The following LNPEP variants were observed in gnomAD, a reference collection of about 807,000 sequenced individuals.
LNPEP encodes leucyl-cystinyl aminopeptidase.
In LNPEP, 64 loss-of-function variants were observed where a neutral mutation model predicts 120.6. That is an observed-to-expected ratio of 0.53 (90% CI 0.43 to 0.65). The LOEUF is 0.65. LNPEP is among the 30% of genes least tolerant of loss of function. LNPEP has a pLI of 0.00. For missense variants in LNPEP, 1,057 were observed against 1,200.0 expected (o/e 0.88, Z 1.76); for synonymous variants, 435 against 425.4 (o/e 1.02, Z -0.28).
chr5:97,015,005 T>C lies in LNPEP; in HGVS notation c.2286T>C (p.Thr762=). The C allele has an allele frequency of 6.2e-7, 1 of 1,605,072 alleles. No individual in the cohort carries two copies. The highest frequency in any genetic ancestry group is 2.3e-5 in the East Asian group (1 of 44,440). Residue 762 remains threonine, a synonymous_variant, in exon 13 of 18, where the codon ACT becomes ACC. Coordinates refer to ENST00000231368, the MANE Select transcript of LNPEP (RefSeq NM_005575.3). ...ATTATCTTGGAAATGAGAACCATAC[T>C]GCACCCATCACCGAAGCCCTGTTTC... ...LINYLGNENH[T]APITEALFQT... is the part of the protein sequence containing the mutation.
chr5:97,011,923 A>C (rs1378387092), intron 11 of LNPEP, among the ~76,000 whole-genome samples: 1 of 152,184 alleles, frequency 6.6e-6, no homozygotes, highest in Non-Finnish European at 1.5e-5. Context: ...GGCATCTGAC[A>C]CATTTGAATA....
At chr5:96,971,450 A>G (rs1392139167) in intron 1 of LNPEP, among the ~76,000 whole-genome samples, 1 of 151,276 alleles carries the variant, frequency 6.6e-6, no homozygotes, top group Non-Finnish European at 1.5e-5. Context: ...ATCAAACTTA[A>G]TAATATTTTA....
chr5:97,024,555 G>T lies in LNPEP; in HGVS notation c.2596G>T (p.Val866Phe), dbSNP rs759100014. 6.2e-7 allele frequency: 1 copy of T among 1,614,054 alleles called. No homozygotes were observed. Among genetic ancestry groups the T allele is most frequent in the South Asian group, 1.1e-5 (1 of 91,070 alleles). Residue 866 changes from valine (V) to phenylalanine (F), a missense_variant, in exon 15 of 18, where the codon GTT becomes TTT. Physicochemically the swap from Val to Phe is conservative, Grantham distance 50. Coordinates refer to ENST00000231368, the MANE Select transcript of LNPEP (RefSeq NM_005575.3). ...PTDVMTTVFK[V>F]GAKTDKGWSF... ...TGATGTCATGACAACTGTGTTCAAA[G>T]TTGGAGCAAAAACTGACAAAGGCTG... is the stretch of plus-strand genomic sequence containing the variant.
At chr5:97,027,905 A>G in intron 17 of LNPEP, 91 bp downstream of exon 17, 2 of 769,496 alleles carry the variant, frequency 2.6e-6, no homozygotes, top group Non-Finnish European at 4.7e-6. Context: ...GTGGATTTTC[A>G]TGCTAATTCC....
At chr5:97,005,664 G>A (rs896941339) in intron 9 of LNPEP, among the ~76,000 whole-genome samples, 1 of 152,142 alleles carries the variant, frequency 6.6e-6, no homozygotes. Context: ...GAGTAGCAGT[G>A]TTTCTGATTC....
chr5:97,008,071 C>A (rs1402609670), intron 11 of LNPEP, among the ~76,000 whole-genome samples: 7 of 152,104 alleles, frequency 4.6e-5, no homozygotes, highest in Admixed American at 3.9e-4. Context: ...TTGCTACTGT[C>A]TTTGAGTAAA....
chr5:96,941,143 A>G (rs978561013), intron 1 of LNPEP, among the ~76,000 whole-genome samples: 4 of 152,132 alleles, frequency 2.6e-5, no homozygotes, highest in Admixed American at 2.0e-4. Context: ...AAATTCTCAA[A>G]AGGAGCACAC....
chr5:97,010,466 A>C, intron 11 of LNPEP: 5 of 985,338 alleles, frequency 5.1e-6, no homozygotes, highest in Non-Finnish European at 6.0e-6. Context: ...AAGGGGTATT[A>C]GAGAAGGGAA....
rs187203924 is a variant in LNPEP, at chr5:96,981,255, A to G, written c.860+1277A>G. On this transcript the variant is annotated intron_variant, in intron 2 of 17. Transcript: ENST00000231368. ...GAGAAAGACAAAAAAATGGCTTTGA[A>G]TTATAGTTTTCAGACATCTTGAAAG... Among the ~76,000 whole-genome samples, 247 of 152,298 alleles carry G rather than the reference A, an allele frequency of 1.6e-3. 1 individual carries two copies. The highest frequency in any genetic ancestry group is 5.6e-3 in the African/African-American group (234 of 41,590).
intron 1 of LNPEP, among the ~76,000 whole-genome samples, chr5:96,975,396 C>T (rs994813421): frequency 1.3e-5 from 2 of 152,160 alleles, no homozygotes; most frequent in Non-Finnish European, 2.9e-5. Context: ...ATAGACTTTT[C>T]TCTGTCTCCT....
rs1791522739 is a variant in LNPEP at position 97,034,002 on chromosome 5, T to A, written c.*5469T>A. 2 of 152,122 alleles carry A rather than the reference T, an allele frequency of 1.3e-5. No individual in the cohort carries two copies. The highest frequency in any genetic ancestry group is 4.8e-5 in the African/African-American group (2 of 41,432). The allele number at this position is 152,122 out of a possible 1,614,324, so 9.4% of individuals were successfully genotyped here. On this transcript the variant is annotated 3_prime_UTR_variant, in exon 18 of 18. Transcript: ENST00000231368. ...ATCCTTTTTAAAAATGTATATATACTTTTCATTAACTATATTGTATTATTT... is the reference window on the plus strand; with the variant it reads ...ATCCTTTTTAAAAATGTATATATACATTTCATTAACTATATTGTATTATTT...
chr5:96,978,851 G>A (rs942772767), intron 1 of LNPEP, among the ~76,000 whole-genome samples: 2 of 152,118 alleles, frequency 1.3e-5, no homozygotes, highest in Non-Finnish European at 2.9e-5. Flanking sequence ...AGTATATTAA[G>A]GAAATTAGTA....
intron 1 of LNPEP, among the ~76,000 whole-genome samples, chr5:96,940,039 C>G (rs1439151645): frequency 6.6e-6 from 1 of 152,056 alleles, no homozygotes; most frequent in African/African-American, 2.4e-5. Context: ...CTGTTTTTAT[C>G]TTTCTGTCTT....
chr5:97,001,871 A>G (rs1360429468), intron 8 of LNPEP, among the ~76,000 whole-genome samples: 1 of 152,088 alleles, frequency 6.6e-6, no homozygotes, highest in Non-Finnish European at 1.5e-5. Flanking sequence ...CGGGCATGGT[A>G]GCTCACGCCT....
At chr5:96,945,341 A>C (rs1789162482) in intron 1 of LNPEP, among the ~76,000 whole-genome samples, 1 of 150,906 alleles carries the variant, frequency 6.6e-6, no homozygotes, top group African/African-American at 2.4e-5. Flanking sequence ...GCCTGGGCAA[A>C]GTGGAAGTGA....
intron 9 of LNPEP, among the ~76,000 whole-genome samples, chr5:97,003,833 T>C (rs985889790): frequency 6.6e-6 from 1 of 152,052 alleles, no homozygotes; most frequent in Non-Finnish European, 1.5e-5. Context: ...TGTAGGAAAG[T>C]TGTCTTCTCC....
chr5:97,010,371 A>G, intron 11 of LNPEP: 1 of 984,760 alleles, frequency 1.0e-6, no homozygotes, highest in Non-Finnish European at 1.2e-6. Context: ...TTAGGATGAA[A>G]GAAGGAAGGG....
chr5:96,942,801 C>G (rs1789089629), intron 1 of LNPEP: 1 of 152,018 alleles, frequency 6.6e-6, no homozygotes, highest in Admixed American at 6.6e-5. Flanking sequence ...TGCAGCACAC[C>G]AACATAGCAC....
At chr5:97,027,022 C>G (rs1348250105) in intron 16 of LNPEP, among the ~76,000 whole-genome samples, 2 of 152,196 alleles carry the variant, frequency 1.3e-5, no homozygotes, top group Non-Finnish European at 2.9e-5. Context: ...TGGCTACAGA[C>G]TATTTCATAG....
Sources: allele counts gnomAD v4.1 joint callset (sites outside exome capture counted in the v4.1 genomes callset), GRCh38; gene constraint gnomAD v4.1.1; transcripts MANE v1.5; gene names NCBI Gene and HGNC (gene_info 2026-07-23, HGNC 2026-07-21).